BBX: variants seen among roughly 807,000 people sequenced by gnomAD.
BBX encodes HMG box transcription factor BBX.
A neutral mutation model predicts 100.2 loss-of-function variants in BBX; 30 were observed. The observed-to-expected ratio is 0.30, with a 90% CI of 0.22 to 0.41. The LOEUF (loss-of-function observed/expected upper bound fraction) is 0.41, where lower values mean the gene tolerates loss of function less well. BBX is among the 10% of genes least tolerant of loss of function. The probability of loss-of-function intolerance (pLI) is 1.00; values close to 1 mark genes in which losing one functional copy is unlikely to be tolerated. For missense variants in BBX, 1,023 were observed against 1,129.8 expected (o/e 0.91, Z 1.35); for synonymous variants, 376 against 388.1 (o/e 0.97, Z 0.37).
At chr3:107,696,791 GT>G (rs2060639039) in intron 3 of BBX, among the ~76,000 whole-genome samples, 1 of 151,372 alleles carries the variant, frequency 6.6e-6, no homozygotes, top group Non-Finnish European at 1.5e-5. Context: ...CCTGCAGAGT[GT>G]TTTCCAACTT....
chr3:107,609,254 G>C (rs914751697), intron 2 of BBX, among the ~76,000 whole-genome samples: 1 of 152,092 alleles, frequency 6.6e-6, no homozygotes, highest in African/African-American at 2.4e-5. Context: ...TATGATGAAT[G>C]ATTTTCTTAA....
chr3:107,739,757 A>G (rs1405372846), intron 7 of BBX, among the ~76,000 whole-genome samples: 1 of 152,202 alleles, frequency 6.6e-6, no homozygotes, highest in African/African-American at 2.4e-5. Flanking sequence ...TGGAGAGCAC[A>G]TTGATGTACA....
At chr3:107,617,591 C>CATGTTTT (rs1326523939) in intron 2 of BBX, among the ~76,000 whole-genome samples, 2 of 152,024 alleles carry the variant, frequency 1.3e-5, no homozygotes, top group Admixed American at 6.5e-5. Flanking sequence ...GTATCCTGGA[C>CATGTTTT]ATGTTTTGTT....
At chr3:107,716,531 G>A in intron 4 of BBX, 76 bp from the exon 5 acceptor site, 1 of 1,529,152 alleles carries the variant, frequency 6.5e-7, no homozygotes, top group South Asian at 1.3e-5. Context: ...AATACAATTT[G>A]CAAACCAAGA....
intron 3 of BBX, among the ~76,000 whole-genome samples, chr3:107,707,630 G>T (rs2061465663): frequency 6.6e-6 from 1 of 152,138 alleles, no homozygotes; most frequent in Admixed American, 6.5e-5. Context: ...GGGTGAGAAA[G>T]ATTAATTTCT....
chr3:107,774,480 G>A (rs1431976253), intron 11 of BBX, among the ~76,000 whole-genome samples: 1 of 152,152 alleles, frequency 6.6e-6, no homozygotes, highest in Non-Finnish European at 1.5e-5. Context: ...GTCTCTTTGA[G>A]TCATGTGATA....
intron 13 of BBX, among the ~76,000 whole-genome samples, chr3:107,779,572 G>A (rs1244605255): frequency 1.3e-5 from 2 of 152,084 alleles, no homozygotes; most frequent in African/African-American, 4.8e-5. Context: ...AAAAGTTGCT[G>A]CCTATTGCCT....
chr3:107,696,630 A>AT lies in BBX; in HGVS notation c.-9-13816dup, dbSNP rs929258283. 7.2e-4 allele frequency among the ~76,000 whole-genome samples: 109 copies of AT among 151,072 alleles called. 1 individual carries two copies. Among genetic ancestry groups the AT allele is most frequent in the Non-Finnish European group, 1.3e-3 (89 of 67,896 alleles). On this transcript the variant is annotated intron_variant, in intron 3 of 17. Coordinates refer to ENST00000325805, the MANE Select transcript of BBX (RefSeq NM_001142568.3). The stretch of plus-strand genomic sequence containing the variant: ...AACTTTCTCTCTGGCTGCCCTTAAC[A>AT]TTTTTTCCTTCATTTCACCTTTGGT...
At chr3:107,587,676 C>T (rs986059934) in intron 2 of BBX, among the ~76,000 whole-genome samples, 2 of 152,088 alleles carry the variant, frequency 1.3e-5, no homozygotes, top group African/African-American at 4.8e-5. Flanking sequence ...ACAGGAGATG[C>T]GGGCCCCAAC....
chr3:107,717,633 CATGTAGGAAGGCTA>C (rs2062197775), intron 5 of BBX, among the ~76,000 whole-genome samples: 1 of 151,808 alleles, frequency 6.6e-6, no homozygotes, highest in African/African-American at 2.4e-5. Flanking sequence ...GAAGCATTTC[CATGTAGGAAGGCTA>C]TTCAGAAAGG....
chr3:107,535,088 C>T (rs1338375074), intron 2 of BBX, among the ~76,000 whole-genome samples: 1 of 152,214 alleles, frequency 6.6e-6, no homozygotes, highest in Non-Finnish European at 1.5e-5. Flanking sequence ...TGTCTGAAGT[C>T]GCACAGCTGG....
At chr3:107,550,218 A>G (rs1460283335) in intron 2 of BBX, among the ~76,000 whole-genome samples, 1 of 152,116 alleles carries the variant, frequency 6.6e-6, no homozygotes, top group Non-Finnish European at 1.5e-5. Flanking sequence ...AGATAACACA[A>G]GGGGAATAAT....
intron 3 of BBX, among the ~76,000 whole-genome samples, chr3:107,689,655 G>A (rs909059537): frequency 6.6e-6 from 1 of 152,158 alleles, no homozygotes; most frequent in Non-Finnish European, 1.5e-5. Context: ...AGTGTATTTA[G>A]TATAGTTAAG....
At chr3:107,576,958 T>G (rs1235558309) in intron 2 of BBX, among the ~76,000 whole-genome samples, 2 of 152,136 alleles carry the variant, frequency 1.3e-5, no homozygotes, top group South Asian at 2.1e-4. Flanking sequence ...CCTCCTGGGT[T>G]CGAGCAATTC....
At position 107,693,346 on chromosome 3, in the gene BBX, T is replaced by G. The variant is rs555250558; in HGVS notation, c.-9-17106T>G. 7.9e-5 allele frequency among the ~76,000 whole-genome samples: 12 copies of G among 151,964 alleles called. No individual in the cohort carries two copies. In the South Asian group the frequency reaches 2.3e-3, roughly 29 times the overall value. Reference sequence around the variant, plus strand: ...TATGGTTTTAGGTCTAACGTTTAAGTCTTTAGTCCATCTTGAATTGACTTT... The same window carrying G: ...TATGGTTTTAGGTCTAACGTTTAAGGCTTTAGTCCATCTTGAATTGACTTT... On this transcript the variant is annotated intron_variant, in intron 3 of 17. Coordinates refer to ENST00000325805, the MANE Select transcript of BBX (RefSeq NM_001142568.3).
chr3:107,675,805 T>G (rs938938436), intron 3 of BBX, among the ~76,000 whole-genome samples: 6 of 152,160 alleles, frequency 3.9e-5, no homozygotes, highest in Non-Finnish European at 8.8e-5. Flanking sequence ...CTCCTGTGGG[T>G]CTTTTTATTG....
chr3:107,802,799 A>G (rs1358187749), intron 17 of BBX, among the ~76,000 whole-genome samples: 1 of 152,130 alleles, frequency 6.6e-6, no homozygotes, highest in East Asian at 1.9e-4. Flanking sequence ...CCCTGCAGTT[A>G]GGTGGAATCA....
chr3:107,624,305 A>C (rs1054751429), intron 2 of BBX, among the ~76,000 whole-genome samples: 1 of 152,072 alleles, frequency 6.6e-6, no homozygotes, highest in African/African-American at 2.4e-5. Flanking sequence ...ATTATATCAC[A>C]CTTTCTTTGC....
chr3:107,536,084 T>A (rs1229172720), intron 2 of BBX, among the ~76,000 whole-genome samples: 2 of 152,222 alleles, frequency 1.3e-5, no homozygotes, highest in Non-Finnish European at 2.9e-5. Flanking sequence ...CAAACATGAA[T>A]CAGATATAGG....
Sources: allele counts gnomAD v4.1 joint callset (sites outside exome capture counted in the v4.1 genomes callset), GRCh38; gene constraint gnomAD v4.1.1; transcripts MANE v1.5; gene names NCBI Gene and HGNC (gene_info 2026-07-23, HGNC 2026-07-21).